The following GUCY1A1 variants were observed in gnomAD, a reference collection of about 807,000 sequenced individuals.
The protein encoded by GUCY1A1 is guanylate cyclase soluble subunit alpha-1.
In GUCY1A1, 48 loss-of-function variants were observed where a neutral mutation model predicts 64.5. That is an observed-to-expected ratio of 0.74 (90% CI 0.59 to 0.95). GUCY1A1 has a LOEUF of 0.95. Ranked by LOEUF, GUCY1A1 falls within the 40% of genes least tolerant of loss-of-function variation. The pLI is 0.00. For missense variants in GUCY1A1, 804 were observed against 825.3 expected, an observed-to-expected ratio of 0.97 and a Z score of 0.32; for synonymous variants, 308 against 303.4, an observed-to-expected ratio of 1.02 and a Z score of -0.16.
rs759793142 is a variant in GUCY1A1 at position 155,717,220 on chromosome 4, A to G, written c.1634A>G (p.His545Arg). 1.3e-6 allele frequency: 2 copies of G among 1,595,978 alleles called. No individual in the cohort carries two copies. Among genetic ancestry groups the G allele is most frequent in the East Asian group, 2.3e-5 (1 of 44,316 alleles). ...AGGLHKESDT[H>R]AVQIALMALK... is the part of the protein sequence containing the mutation. ...GGATTACACAAAGAGAGTGATACTC[A>G]TGCTGTTCAGATAGCGCTGATGGCC... is the stretch of plus-strand genomic sequence containing the variant. The change falls in exon 8 of 10, where the codon CAT (histidine) becomes CGT (arginine). Residue 545 changes from histidine to arginine, a missense_variant. Coordinates refer to ENST00000506455, the MANE Select transcript of GUCY1A1 (RefSeq NM_001130682.3).
chr4:155,678,192 C>A (rs997882659), intron 2 of GUCY1A1, among the ~76,000 whole-genome samples: 1 of 152,106 alleles, frequency 6.6e-6, no homozygotes, highest in Non-Finnish European at 1.5e-5. Flanking sequence ...ATTACATCAT[C>A]ACATGTCATG....
chr4:155,716,673 C>T lies in GUCY1A1; in HGVS notation c.1573-486C>T, dbSNP rs532855873. 7.9e-5 allele frequency among the ~76,000 whole-genome samples: 12 copies of T among 152,182 alleles called. No homozygotes were observed. The East Asian group carries it at 2.3e-3, about 29-fold the overall frequency. On this transcript the variant is annotated intron_variant, in intron 7 of 9. Coordinates refer to ENST00000506455, the MANE Select transcript of GUCY1A1 (RefSeq NM_001130682.3). Reference sequence around the variant, plus strand: ...GAACCGTTTCTCTTTACTCTTATGACTATTAATATCTTGGTTTTACATTGC... The same window carrying T: ...GAACCGTTTCTCTTTACTCTTATGATTATTAATATCTTGGTTTTACATTGC...
chr4:155,670,588 T>A (rs1299597069), intron 2 of GUCY1A1, among the ~76,000 whole-genome samples: 2 of 151,978 alleles, frequency 1.3e-5, no homozygotes, highest in African/African-American at 4.8e-5. Flanking sequence ...TTTGGAGGGG[T>A]GAAAGAAGAG....
intron 7 of GUCY1A1, among the ~76,000 whole-genome samples, chr4:155,715,064 C>G (rs1031418888): frequency 6.6e-6 from 1 of 152,126 alleles, no homozygotes; most frequent in Admixed American, 6.5e-5. Context: ...CATTTTGAAA[C>G]TATGCTCCTC....
chr4:155,713,406 G>T lies in GUCY1A1; in HGVS notation c.1395G>T (p.Gln465His). ...TATTTCCCTGTGAGGTTGCTCAGCA[G>T]CTGTGGCAAGGGCAAGTTGTGCAAG... ...CSIFPCEVAQ[Q>H]LWQGQVVQAK... is the part of the protein sequence containing the mutation. Residue 465 changes from glutamine (Q) to histidine (H), a missense_variant, in exon 7 of 10, where the codon CAG becomes CAT. Gln to His is a conservative substitution (Grantham distance 24). Coordinates refer to ENST00000506455, the MANE Select transcript of GUCY1A1 (RefSeq NM_001130682.3). 6.2e-7 allele frequency: 1 copy of T among 1,614,182 alleles called. No homozygotes were observed. Among genetic ancestry groups the T allele is most frequent in the Non-Finnish European group, 8.5e-7 (1 of 1,180,022 alleles).
At chr4:155,705,013 A>C (rs114057541) in intron 4 of GUCY1A1, among the ~76,000 whole-genome samples, 3,089 of 152,276 alleles carry the variant, frequency 0.02, 105 homozygotes, top group African/African-American at 0.071. Flanking sequence ...CCTCTCGAGC[A>C]GCTGGGACTA....
At chr4:155,700,117 G>A (rs1450927180) in intron 3 of GUCY1A1, among the ~76,000 whole-genome samples, 2 of 152,010 alleles carry the variant, frequency 1.3e-5, no homozygotes, top group African/African-American at 2.4e-5. Context: ...CTTTTTTCAT[G>A]GGTATTGTTT....
chr4:155,686,318 T>C (rs949540267), intron 2 of GUCY1A1, among the ~76,000 whole-genome samples: 7 of 150,398 alleles, frequency 4.7e-5, no homozygotes, highest in Non-Finnish European at 8.9e-5. Flanking sequence ...TCTACTAAAA[T>C]ACAAAAAAAA....
Position 155,691,101 on chromosome 4 carries a change from G to A in GUCY1A1, c.-112-5655G>A, listed in dbSNP as rs139506850. Among the ~76,000 whole-genome samples the A allele has an allele frequency of 1.6e-3, 250 of 152,290 alleles. 1 individual carries two copies. The highest frequency in any genetic ancestry group is 4.7e-3 in the African/African-American group (196 of 41,572). On this transcript the variant is annotated intron_variant, in intron 2 of 9. Coordinates refer to ENST00000506455, the MANE Select transcript of GUCY1A1 (RefSeq NM_001130682.3). ...TTTAGGCATCATCAAATTTAATAAA[G>A]AGATATCAGTAACATACTAAAGCAA...
intron 6 of GUCY1A1, among the ~76,000 whole-genome samples, chr4:155,711,946 G>A (rs1732626014): frequency 6.6e-6 from 1 of 152,146 alleles, no homozygotes; most frequent in African/African-American, 2.4e-5. Flanking sequence ...ATATTGAAAG[G>A]TGTTTATTGT....
At chr4:155,709,067 TAAAC>T (rs1253447480) in intron 5 of GUCY1A1, among the ~76,000 whole-genome samples, 1 of 152,182 alleles carries the variant, frequency 6.6e-6, no homozygotes, top group Non-Finnish European at 1.5e-5. Flanking sequence ...TTTTATTTAA[TAAAC>T]AAATTTAAAA....
At position 155,736,947 on chromosome 4, in the gene GUCY1A1, G is replaced by GA. The variant is rs1425162413; in HGVS notation, c.*6717dup. The GA allele has an allele frequency of 2.0e-5, 3 of 151,892 alleles. No homozygotes were observed. The highest frequency in any genetic ancestry group is 2.9e-5 in the Non-Finnish European group (2 of 67,928). The allele number at this position is 151,892 out of a possible 1,614,324, so 9.4% of individuals were successfully genotyped here. A position where few individuals can be genotyped will look rare whatever the true frequency, so the allele number is the denominator to read the frequency against. On this transcript the variant is annotated 3_prime_UTR_variant, in exon 10 of 10. Transcript: ENST00000506455. ...TTTATTTCGAGTTTTACTTCTGGCTGAGTTGCAAAGTCTATGAGAATGTTA... is the reference window on the plus strand; with the variant it reads ...TTTATTTCGAGTTTTACTTCTGGCTGAAGTTGCAAAGTCTATGAGAATGTTA...
At chr4:155,725,113 T>G (rs72972453) in intron 9 of GUCY1A1, among the ~76,000 whole-genome samples, 28,165 of 152,062 alleles carry the variant, frequency 0.19, 2,742 homozygotes, top group Middle Eastern at 0.24. Flanking sequence ...AGTTCACACC[T>G]GTATCTGAAA....
intron 9 of GUCY1A1, chr4:155,722,501 A>G (rs1734098468): frequency 2.9e-6 from 3 of 1,045,662 alleles, no homozygotes; most frequent in African/African-American, 1.7e-5. Flanking sequence ...TCTGACATCA[A>G]CTAGTACACT....
intron 2 of GUCY1A1, among the ~76,000 whole-genome samples, chr4:155,677,164 T>C (rs557539793): frequency 3.9e-5 from 6 of 152,190 alleles, no homozygotes; most frequent in Admixed American, 3.3e-4. Context: ...TTTTGGCATA[T>C]GTGAATGAAT....
Position 155,717,321 on chromosome 4 carries a change from T to C in GUCY1A1, c.1716+19T>C, listed in dbSNP as rs1560959218. ...TATCAAGGTAAGGCAGATGATATAT[T>C]GTCCAAAAGATGTCACAAGAGCAAA... On this transcript the variant is annotated intron_variant, in intron 8 of 9. Coordinates refer to ENST00000506455, the MANE Select transcript of GUCY1A1 (RefSeq NM_001130682.3). The C allele has an allele frequency of 2.6e-6, 4 of 1,515,454 alleles. No individual in the cohort carries two copies. In the Admixed American group the frequency reaches 5.9e-5, roughly 22 times the overall value. The allele number at this position is 1,515,454 out of a possible 1,614,324, so 93.9% of individuals were successfully genotyped here. A position where few individuals can be genotyped will look rare whatever the true frequency, so the allele number is the denominator to read the frequency against.
chr4:155,691,596 T>A (rs1205295651), intron 2 of GUCY1A1, among the ~76,000 whole-genome samples: 1 of 152,168 alleles, frequency 6.6e-6, no homozygotes, highest in Non-Finnish European at 1.5e-5. Context: ...TTTCTCCTCC[T>A]TTTGGCTACT....
chr4:155,670,145 A>C (rs1372036227), intron 2 of GUCY1A1, among the ~76,000 whole-genome samples: 1 of 152,200 alleles, frequency 6.6e-6, no homozygotes, highest in African/African-American at 2.4e-5. Flanking sequence ...ATTTGTGAGA[A>C]TATTCCATTT....
At position 155,720,799 on chromosome 4, in the gene GUCY1A1, T is replaced by C. The variant is rs78225447; in HGVS notation, c.1717-1239T>C. On this transcript the variant is annotated intron_variant, in intron 8 of 9. Transcript: ENST00000506455. ...CTTCATTCAAAACGCATACATCTAA[T>C]ACAACTTTTTAAAATGGTTGAGTAA... Among the ~76,000 whole-genome samples, 1,119 of 152,292 alleles carry C rather than the reference T, an allele frequency of 7.3e-3. 16 individuals carry two copies. Among genetic ancestry groups the C allele is most frequent in the Non-Finnish European group, 0.011 (733 of 68,006 alleles).
Sources: gnomAD v4.1 joint callset for allele counts (sites outside exome capture counted in the v4.1 genomes callset) on GRCh38, gnomAD v4.1.1 for gene constraint, MANE v1.5 for transcripts, NCBI Gene and HGNC (gene_info 2026-07-23, HGNC 2026-07-21) for gene names.